The following NR6A1 variants were observed in gnomAD, a reference collection of about 807,000 sequenced individuals.
NR6A1 encodes nuclear receptor subfamily 6 group A member 1, also known as retinoic acid receptor-related testis-associated receptor.
In NR6A1, 7 loss-of-function variants were observed where a neutral mutation model predicts 59.1. The observed-to-expected ratio is 0.12, with a 90% CI of 0.07 to 0.22. The LOEUF (loss-of-function observed/expected upper bound fraction) is 0.22. NR6A1 is among the 10% of genes least tolerant of loss of function. The probability of loss-of-function intolerance (pLI) is 1.00; values close to 1 mark genes in which losing one functional copy is unlikely to be tolerated. For missense variants in NR6A1, 468 were observed against 611.6 expected, an observed-to-expected ratio of 0.77 and a Z score of 2.48; for synonymous variants, 243 against 236.1, an observed-to-expected ratio of 1.03 and a Z score of -0.27.
chr9:124,693,656 G>A (rs894843082), intron 2 of NR6A1: 1 of 525,412 alleles, frequency 1.9e-6, no homozygotes, highest in Non-Finnish European at 3.9e-6. Context: ...AGATGGAAAA[G>A]AAGAGCCAGG....
chr9:124,618,343 C>G (rs962961424), intron 2 of NR6A1, among the ~76,000 whole-genome samples: 1 of 151,966 alleles, frequency 6.6e-6, no homozygotes, highest in Non-Finnish European at 1.5e-5. Context: ...ATTAGATGGG[C>G]GTGGTGGCAT....
At chr9:124,666,275 CT>C (rs922378385) in intron 2 of NR6A1, among the ~76,000 whole-genome samples, 7,890 of 102,938 alleles carry the variant, frequency 0.077, 677 homozygotes, top group African/African-American at 0.31. Context: ...CTATGTGGTT[CT>C]TTTTTTTTTT....
chr9:124,627,013 T>A (rs770055522), intron 2 of NR6A1, among the ~76,000 whole-genome samples: 1 of 152,188 alleles, frequency 6.6e-6, no homozygotes, highest in Non-Finnish European at 1.5e-5. Context: ...TACATATTTA[T>A]TGGATAAGTA....
intron 2 of NR6A1, among the ~76,000 whole-genome samples, chr9:124,668,781 C>A (rs539243726): frequency 1.3e-5 from 2 of 152,186 alleles, no homozygotes; most frequent in Non-Finnish European, 2.9e-5. Flanking sequence ...ATATTTCTGA[C>A]AATTTTTTTT....
chr9:124,598,896 G>A, intron 2 of NR6A1: 3 of 705,250 alleles, frequency 4.3e-6, no homozygotes, highest in South Asian at 1.5e-5. Context: ...TTCAGGAAGC[G>A]GATGGCCAGC....
At chr9:124,599,302 G>A (rs1011276906) in intron 2 of NR6A1, 3 of 379,290 alleles carry the variant, frequency 7.9e-6, no homozygotes, top group Admixed American at 3.8e-5. Context: ...AAATAGCTGG[G>A]CGTGGCGGCG....
chr9:124,658,643 G>A (rs561272719), intron 2 of NR6A1: 59 of 152,242 alleles, frequency 3.9e-4, no homozygotes, highest in African/African-American at 1.3e-3. Context: ...TTTGATTGTC[G>A]TTGCTGCTTT....
intron 2 of NR6A1, among the ~76,000 whole-genome samples, chr9:124,711,227 T>C (rs1479523602): frequency 1.3e-5 from 2 of 149,018 alleles, no homozygotes; most frequent in African/African-American, 5.0e-5. Context: ...CTGGCATCTT[T>C]GCCATAACCA....
chr9:124,755,567 T>C (rs1840611015), intron 1 of NR6A1, among the ~76,000 whole-genome samples: 1 of 152,228 alleles, frequency 6.6e-6, no homozygotes, highest in Non-Finnish European at 1.5e-5. Context: ...TTATCTGACC[T>C]ACTGACACAT....
chr9:124,667,916 C>T (rs986682188), intron 2 of NR6A1, among the ~76,000 whole-genome samples: 2 of 152,116 alleles, frequency 1.3e-5, no homozygotes, highest in Admixed American at 6.5e-5. Context: ...TACCTGCTGT[C>T]AACATTTGAG....
intron 2 of NR6A1, among the ~76,000 whole-genome samples, chr9:124,615,055 T>C (rs746666879): frequency 5.3e-5 from 8 of 152,228 alleles, no homozygotes; most frequent in Non-Finnish European, 1.2e-4. Context: ...CCACTGAATG[T>C]TTCTATTCAG....
At chr9:124,602,240 AT>A (rs1463842060) in intron 2 of NR6A1, among the ~76,000 whole-genome samples, 1 of 152,236 alleles carries the variant, frequency 6.6e-6, no homozygotes, top group Non-Finnish European at 1.5e-5. Flanking sequence ...TCCTTTTTGA[AT>A]GAAAACAAAG....
intron 2 of NR6A1, among the ~76,000 whole-genome samples, chr9:124,569,965 T>C (rs544724311): frequency 6.6e-6 from 1 of 152,254 alleles, no homozygotes; most frequent in African/African-American, 2.4e-5. Context: ...TGATCACTAG[T>C]GTGAAAGGAA....
At chr9:124,584,688 C>T in intron 2 of NR6A1, among the ~76,000 whole-genome samples, 1 of 152,272 alleles carries the variant, frequency 6.6e-6, no homozygotes, top group South Asian at 2.1e-4. Flanking sequence ...GCTCCACTGA[C>T]CAGCCATTCC....
chr9:124,685,522 G>A (rs1452876826), intron 2 of NR6A1, among the ~76,000 whole-genome samples: 3 of 152,156 alleles, frequency 2.0e-5, no homozygotes, highest in African/African-American at 7.2e-5. Context: ...TAGAGATGGG[G>A]TCTCCTTATG....
At chr9:124,647,718 C>A (rs1374251114) in intron 2 of NR6A1, among the ~76,000 whole-genome samples, 3 of 130,912 alleles carry the variant, frequency 2.3e-5, no homozygotes, top group Admixed American at 1.6e-4. Context: ...CAGAGTGAGA[C>A]CGTCTCAAAA....
intron 3 of NR6A1, among the ~76,000 whole-genome samples, chr9:124,552,403 G>C (rs890995891): frequency 2.6e-5 from 4 of 152,188 alleles, no homozygotes; most frequent in Admixed American, 6.5e-5. Flanking sequence ...GCACAGCAGT[G>C]TAAGGCATCC....
intron 2 of NR6A1, among the ~76,000 whole-genome samples, chr9:124,562,182 T>G (rs186655186): frequency 6.6e-6 from 1 of 152,202 alleles, no homozygotes; most frequent in Non-Finnish European, 1.5e-5. Context: ...AGAGCTGATA[T>G]AGTTCACTAA....
Position 124,518,776 on chromosome 9 carries a change from TA to T in NR6A1, c.*3928del, listed in dbSNP as rs1351699228. On this transcript the variant is annotated 3_prime_UTR_variant, in exon 10 of 10. Coordinates refer to ENST00000487099, the MANE Select transcript of NR6A1 (RefSeq NM_033334.4). ...TTTTGGGTTTTTTTTTTTTTTACTT[TA>T]AAAAAATCAATTAAAAATTCAAAGC... 2 of 150,766 alleles carry T rather than the reference TA, an allele frequency of 1.3e-5. No homozygotes were observed. Among genetic ancestry groups the T allele is most frequent in the East Asian group, 1.9e-4 (1 of 5,192 alleles). 9.3% of individuals were successfully genotyped at this position (150,766 alleles called of 1,614,324 possible). A position where few individuals can be genotyped will look rare whatever the true frequency, so the allele number is the denominator to read the frequency against.
Sources: gnomAD v4.1 joint callset for allele counts (sites outside exome capture counted in the v4.1 genomes callset) on GRCh38, gnomAD v4.1.1 for gene constraint, MANE v1.5 for transcripts, NCBI Gene and HGNC (gene_info 2026-07-23, HGNC 2026-07-21) for gene names.